The following UNC13C variants were observed in gnomAD, a reference collection of about 807,000 sequenced individuals.
The protein encoded by UNC13C is unc-13 homolog C, also known as protein unc-13 homolog C.
A neutral mutation model predicts 245.4 loss-of-function variants in UNC13C; 174 were observed. The ratio of observed to expected loss-of-function variants is 0.71; its 90% CI spans 0.63 to 0.80. UNC13C has a LOEUF of 0.80. Ranked by LOEUF, UNC13C falls within the 30% of genes least tolerant of loss-of-function variation. The pLI is 0.00. For synonymous variants in UNC13C, 992 were observed against 895.1 expected, an observed-to-expected ratio of 1.11 and a Z score of -1.93; for missense variants, 2,829 against 2,602.9, an observed-to-expected ratio of 1.09 and a Z score of -1.89.
chr15:54,087,574 T>C (rs927998574), intron 2 of UNC13C, among the ~76,000 whole-genome samples: 6 of 152,330 alleles, frequency 3.9e-5, no homozygotes, highest in Non-Finnish European at 8.8e-5. Flanking sequence ...TTCCCTCATG[T>C]CCACAGATGG....
At chr15:54,121,469 A>C (rs2141194963) in intron 2 of UNC13C, among the ~76,000 whole-genome samples, 1 of 152,062 alleles carries the variant, frequency 6.6e-6, no homozygotes, top group Non-Finnish European at 1.5e-5. Flanking sequence ...TCTGGAACTA[A>C]GTCTGCTATG....
At chr15:54,200,484 C>T (rs957707960) in intron 4 of UNC13C, among the ~76,000 whole-genome samples, 1 of 151,914 alleles carries the variant, frequency 6.6e-6, no homozygotes, top group African/African-American at 2.4e-5. Flanking sequence ...CAAGTACTCT[C>T]TCAGAACCCA....
At chr15:54,222,160 TGTA>T (rs1230864139) in intron 4 of UNC13C, among the ~76,000 whole-genome samples, 1 of 152,050 alleles carries the variant, frequency 6.6e-6, no homozygotes, top group Non-Finnish European at 1.5e-5. Context: ...TATTGTTGAC[TGTA>T]GTAATATGAA....
intron 19 of UNC13C, among the ~76,000 whole-genome samples, chr15:54,459,660 A>G (rs556895224): frequency 2.8e-4 from 43 of 152,038 alleles, no homozygotes; most frequent in African/African-American, 1.0e-3. Flanking sequence ...TCTGAAGTTC[A>G]TTCTTCTACT....
At chr15:54,158,484 T>G (rs2032843675) in intron 4 of UNC13C, among the ~76,000 whole-genome samples, 1 of 151,980 alleles carries the variant, frequency 6.6e-6, no homozygotes, top group African/African-American at 2.4e-5. Flanking sequence ...CATGCCCAGC[T>G]AATTTTTTGT....
At chr15:54,184,433 A>G (rs1369091235) in intron 4 of UNC13C, among the ~76,000 whole-genome samples, 3 of 151,786 alleles carry the variant, frequency 2.0e-5, no homozygotes, top group African/African-American at 4.8e-5. Flanking sequence ...CCACCCCACA[A>G]CAGTCCCCGG....
At chr15:54,152,719 G>T (rs1214411752) in intron 4 of UNC13C, among the ~76,000 whole-genome samples, 1 of 152,076 alleles carries the variant, frequency 6.6e-6, no homozygotes, top group East Asian at 1.9e-4. Flanking sequence ...GCTATTAGCT[G>T]GGAAACACTG....
chr15:54,013,582 G>C lies in UNC13C; in HGVS notation c.679G>C (p.Glu227Gln). ...CCGAAACCCAAAGACAAATGCCCTG[G>C]AGCCAGGGTTCAGTTCCTCTGGCTG... is the stretch of plus-strand genomic sequence containing the variant. ...TVRNPKTNAL[E>Q]PGFSSSGCIS... is the part of the protein sequence containing the mutation. The change falls in exon 2 of 33, where the codon GAG becomes CAG. Residue 227 changes from glutamate to glutamine, a missense_variant. Transcript: ENST00000260323. The C allele has an allele frequency of 2.5e-6, 4 of 1,613,676 alleles. No individual in the cohort carries two copies. Among genetic ancestry groups the C allele is most frequent in the South Asian group, 1.1e-5 (1 of 91,062 alleles).
intron 30 of UNC13C, among the ~76,000 whole-genome samples, chr15:54,584,545 G>A (rs994328477): frequency 2.4e-4 from 37 of 152,344 alleles, no homozygotes; most frequent in African/African-American, 8.7e-4. Context: ...GGCAGTGAAA[G>A]TCCTTATGAA....
At chr15:54,375,173 G>T (rs1002590278) in intron 17 of UNC13C, among the ~76,000 whole-genome samples, 1 of 152,166 alleles carries the variant, frequency 6.6e-6, no homozygotes, top group African/African-American at 2.4e-5. Flanking sequence ...ACTAGGTAAA[G>T]CTTGGATGTT....
At chr15:54,378,492 G>A (rs576414960) in intron 17 of UNC13C, among the ~76,000 whole-genome samples, 5 of 151,984 alleles carry the variant, frequency 3.3e-5, no homozygotes, top group South Asian at 2.1e-4. Context: ...TCAGGACCTC[G>A]TCAATTACTA....
chr15:54,490,228 G>C (rs983336783), intron 19 of UNC13C, among the ~76,000 whole-genome samples: 3 of 152,192 alleles, frequency 2.0e-5, no homozygotes, highest in Non-Finnish European at 2.9e-5. Context: ...TTAGGAACTA[G>C]AATGAGTAGT....
chr15:54,130,690 A>T (rs1471570739), intron 2 of UNC13C, among the ~76,000 whole-genome samples: 2 of 152,180 alleles, frequency 1.3e-5, no homozygotes, highest in African/African-American at 4.8e-5. Context: ...TAGGCTTAAG[A>T]TTCCTATCTT....
intron 22 of UNC13C, among the ~76,000 whole-genome samples, chr15:54,501,439 A>T (rs914840483): frequency 6.6e-6 from 1 of 152,152 alleles, no homozygotes; most frequent in African/African-American, 2.4e-5. Flanking sequence ...GTTTTTTATG[A>T]ATTTAGTTTT....
At chr15:53,923,289 C>T in the UNC13C span, among the ~76,000 whole-genome samples, 1 of 152,160 alleles carries the variant, frequency 6.6e-6, no homozygotes, top group Non-Finnish European at 1.5e-5. Flanking sequence ...CTGACGTAGC[C>T]TCAGAATCCA....
At chr15:54,270,533 G>A (rs184977973) in intron 10 of UNC13C, among the ~76,000 whole-genome samples, 20 of 152,118 alleles carry the variant, frequency 1.3e-4, no homozygotes, top group Middle Eastern at 6.8e-3. Context: ...ATTATTATTA[G>A]CATTAATAAC....
At chr15:54,200,582 A>G (rs1255582229) in intron 4 of UNC13C, among the ~76,000 whole-genome samples, 1 of 152,138 alleles carries the variant, frequency 6.6e-6, no homozygotes, top group Non-Finnish European at 1.5e-5. Context: ...CATTGGGTCA[A>G]CAATGAAATC....
intron 5 of UNC13C, among the ~76,000 whole-genome samples, chr15:54,236,047 G>A (rs1231524247): frequency 4.0e-5 from 6 of 150,452 alleles, no homozygotes; most frequent in Admixed American, 6.6e-5. Flanking sequence ...GTGAAAAAGT[G>A]TCTCTTCTAT....
intron 14 of UNC13C, among the ~76,000 whole-genome samples, chr15:54,325,458 C>T (rs565828960): frequency 1.2e-4 from 18 of 151,978 alleles, no homozygotes; most frequent in Non-Finnish European, 4.4e-5. Context: ...ATGTGCACAA[C>T]GTGCAGTTTT....
Sources: allele counts gnomAD v4.1 joint callset (sites outside exome capture counted in the v4.1 genomes callset), GRCh38; gene constraint gnomAD v4.1.1; transcripts MANE v1.5; gene names NCBI Gene and HGNC (gene_info 2026-07-23, HGNC 2026-07-21).